The following LRRC4C variants were observed in gnomAD, a reference collection of about 807,000 sequenced individuals.
The protein encoded by LRRC4C is leucine-rich repeat-containing protein 4C.
LRRC4C carries 5 observed loss-of-function variants against 33.6 expected under a neutral mutation model. The observed-to-expected ratio is 0.15, with a 90% confidence interval of 0.08 to 0.31. The LOEUF is 0.31. LRRC4C is among the 10% of genes least tolerant of loss of function. The pLI is 1.00. For synonymous variants in LRRC4C, 329 were observed against 302.0 expected (o/e 1.09, Z -0.93); for missense variants, 560 against 796.7 (o/e 0.70, Z 3.58).
chr11:40,148,932 T>C lies in LRRC4C; in HGVS notation c.-95-8079A>G, dbSNP rs182116825. 2.5e-3 allele frequency among the ~76,000 whole-genome samples: 385 copies of C among 152,318 alleles called. 1 individual carries two copies. Among genetic ancestry groups the C allele is most frequent in the African/African-American group, 8.9e-3 (369 of 41,568 alleles). On this transcript the variant is annotated intron_variant, in intron 5 of 6. Coordinates refer to ENST00000528697, the MANE Select transcript of LRRC4C (RefSeq NM_001258419.2). ...AGTTACCCCAGCACTATTAATTGAATATGGAGTCCTTTCCACATTGCTTGT... is the reference window on the plus strand; with the variant it reads ...AGTTACCCCAGCACTATTAATTGAACATGGAGTCCTTTCCACATTGCTTGT...
At chr11:40,144,908 T>A (rs920688344) in intron 5 of LRRC4C, among the ~76,000 whole-genome samples, 1 of 152,196 alleles carries the variant, frequency 6.6e-6, no homozygotes, top group African/African-American at 2.4e-5. Context: ...CTCACTCTTC[T>A]GTGTTCCTTT....
chr11:41,348,664 A>T (rs978241005), intron 1 of LRRC4C, among the ~76,000 whole-genome samples: 2 of 151,932 alleles, frequency 1.3e-5, no homozygotes, highest in Non-Finnish European at 2.9e-5. Context: ...TTGAGAATGG[A>T]TGGAGGGAGG....
chr11:41,133,121 C>A (rs1302851429), intron 1 of LRRC4C, among the ~76,000 whole-genome samples: 1 of 152,050 alleles, frequency 6.6e-6, no homozygotes, highest in African/African-American at 2.4e-5. Context: ...AAGAAAGGAA[C>A]TAAACACACA....
At chr11:41,360,041 G>C (rs1209849310) in intron 1 of LRRC4C, among the ~76,000 whole-genome samples, 1 of 152,042 alleles carries the variant, frequency 6.6e-6, no homozygotes, top group Admixed American at 6.5e-5. Flanking sequence ...AAATTAGCTG[G>C]GCACAGTGGT....
intron 1 of LRRC4C, among the ~76,000 whole-genome samples, chr11:41,380,486 A>C (rs1953101532): frequency 6.6e-6 from 1 of 152,170 alleles, no homozygotes. Flanking sequence ...GAAAGTAAGC[A>C]ACACTGAAAT....
At chr11:40,331,609 C>T (rs1946365562) in intron 3 of LRRC4C, among the ~76,000 whole-genome samples, 1 of 152,156 alleles carries the variant, frequency 6.6e-6, no homozygotes, top group Admixed American at 6.5e-5. Context: ...CTCCCCTCAC[C>T]AGTGTGGGCA....
At chr11:41,088,225 A>G (rs1590513633) in intron 1 of LRRC4C, among the ~76,000 whole-genome samples, 1 of 152,136 alleles carries the variant, frequency 6.6e-6, no homozygotes, top group African/African-American at 2.4e-5. Context: ...CAGCAAAAAT[A>G]TCAGAGCAAT....
intron 1 of LRRC4C, among the ~76,000 whole-genome samples, chr11:41,150,713 C>T (rs1351230000): frequency 6.6e-6 from 1 of 151,766 alleles, no homozygotes; most frequent in Non-Finnish European, 1.5e-5. Context: ...TGCTTGAACC[C>T]AGGACGCAGA....
At chr11:41,385,492 TA>T (rs895411838) in intron 1 of LRRC4C, among the ~76,000 whole-genome samples, 10 of 151,638 alleles carry the variant, frequency 6.6e-5, no homozygotes, top group Admixed American at 1.3e-4. Flanking sequence ...ATTTTTGATA[TA>T]AAAAACACAT....
intron 3 of LRRC4C, among the ~76,000 whole-genome samples, chr11:40,451,648 G>A (rs1951893561): frequency 2.6e-5 from 4 of 151,988 alleles, no homozygotes; most frequent in Admixed American, 2.0e-4. Flanking sequence ...GCCTCCCAAA[G>A]TGCTGAGATT....
At chr11:40,700,251 GGAT>G (rs1240598917) in intron 2 of LRRC4C, among the ~76,000 whole-genome samples, 2 of 151,940 alleles carry the variant, frequency 1.3e-5, no homozygotes, top group Non-Finnish European at 2.9e-5. Context: ...GACAGTCTTT[GGAT>G]ATTTCATGGT....
intron 2 of LRRC4C, among the ~76,000 whole-genome samples, chr11:40,814,002 C>T (rs185268988): frequency 1.3e-5 from 2 of 152,286 alleles, no homozygotes; most frequent in African/African-American, 4.8e-5. Flanking sequence ...GCTGCTTTCA[C>T]AGGCTAGCAT....
intron 5 of LRRC4C, among the ~76,000 whole-genome samples, chr11:40,188,670 CAGGGGGCTACTAACTCCGAAT>C (rs1861596794): frequency 6.6e-6 from 1 of 151,998 alleles, no homozygotes; most frequent in African/African-American, 2.4e-5. Context: ...CTCTATAAAC[CAGGGGGCTACTAACTCCGAAT>C]AGGGGGAAAA....
rs547307374 is a variant in LRRC4C, at chr11:40,924,086, A to ATGTG, written c.-407+9545_-407+9548dup. Among the ~76,000 whole-genome samples, 71 of 146,992 alleles carry ATGTG rather than the reference A, an allele frequency of 4.8e-4. No homozygotes were observed. The Middle Eastern group carries it at 0.01, about 22-fold the overall frequency. ...TATACATATATATGTGTGTGTATAT[A>ATGTG]TGTGTGTGTGTGTATGTGTGTGTGT... On this transcript the variant is annotated intron_variant, in intron 2 of 6. Coordinates refer to ENST00000528697, the MANE Select transcript of LRRC4C (RefSeq NM_001258419.2).
chr11:40,660,732 C>T (rs925834096), intron 2 of LRRC4C, among the ~76,000 whole-genome samples: 3 of 152,190 alleles, frequency 2.0e-5, no homozygotes, highest in African/African-American at 7.2e-5. Flanking sequence ...ATCTCCTGCA[C>T]ATTTTTCCAG....
At position 40,911,996 on chromosome 11, in the gene LRRC4C, C is replaced by A. The variant is rs550496198; in HGVS notation, c.-407+21639G>T. Reference sequence around the variant, plus strand: ...TGAAGTGAGAAGGGAAGTTGAGAGACAAAAGAATAAAAAGAAATGAACAAA... The same window carrying A: ...TGAAGTGAGAAGGGAAGTTGAGAGAAAAAAGAATAAAAAGAAATGAACAAA... On this transcript the variant is annotated intron_variant, in intron 2 of 6. Coordinates refer to ENST00000528697, the MANE Select transcript of LRRC4C (RefSeq NM_001258419.2). 4.6e-5 allele frequency among the ~76,000 whole-genome samples: 7 copies of A among 151,966 alleles called. No homozygotes were observed. In the South Asian group the frequency reaches 1.2e-3, roughly 27 times the overall value.
chr11:40,301,827 A>G (rs1183384961), intron 4 of LRRC4C, among the ~76,000 whole-genome samples: 2 of 152,200 alleles, frequency 1.3e-5, no homozygotes, highest in African/African-American at 2.4e-5. Context: ...AACAATTTGC[A>G]TTTTTAAATG....
intron 3 of LRRC4C, among the ~76,000 whole-genome samples, chr11:40,354,407 T>C (rs1240297057): frequency 1.3e-5 from 2 of 152,150 alleles, no homozygotes; most frequent in Non-Finnish European, 2.9e-5. Context: ...CAGGCTTATG[T>C]CCTTCCTTTC....
intron 3 of LRRC4C, among the ~76,000 whole-genome samples, chr11:40,410,578 C>T (rs560075950): frequency 1.3e-5 from 2 of 152,050 alleles, no homozygotes; most frequent in East Asian, 3.9e-4. Context: ...TTTTTATTTC[C>T]CTGCTTCTCT....
Sources: allele counts gnomAD v4.1 joint callset (sites outside exome capture counted in the v4.1 genomes callset), GRCh38; gene constraint gnomAD v4.1.1; transcripts MANE v1.5; gene names NCBI Gene and HGNC (gene_info 2026-07-23, HGNC 2026-07-21).